The following DPYSL5 variants were observed in gnomAD, a reference collection of about 807,000 sequenced individuals.
The protein encoded by DPYSL5 is dihydropyrimidinase-related protein 5.
DPYSL5 carries 9 observed loss-of-function variants against 58.4 expected under a neutral mutation model. That is an observed-to-expected ratio of 0.15 (90% CI 0.09 to 0.27). The LOEUF (loss-of-function observed/expected upper bound fraction) is 0.27. Ranked by LOEUF, DPYSL5 falls within the 10% of genes least tolerant of loss-of-function variation. DPYSL5 has a pLI of 1.00. For missense variants in DPYSL5, 499 were observed against 770.6 expected (o/e 0.65, Z 4.17); for synonymous variants, 293 against 301.9 (o/e 0.97, Z 0.31).
At chr2:26,906,596 C>T (rs1019634342) in intron 2 of DPYSL5, among the ~76,000 whole-genome samples, 1 of 152,158 alleles carries the variant, frequency 6.6e-6, no homozygotes, top group African/African-American at 2.4e-5. Flanking sequence ...CAAGATCCCT[C>T]CCACACTCAG....
intron 2 of DPYSL5, among the ~76,000 whole-genome samples, chr2:26,911,587 A>T (rs1035112949): frequency 3.9e-5 from 6 of 152,244 alleles, no homozygotes; most frequent in Non-Finnish European, 7.3e-5. Context: ...TTACAATGAC[A>T]TCAAGGGGAA....
At chr2:26,928,457 G>A (rs1263341929) in intron 5 of DPYSL5, 134 bp downstream of exon 5, 7 of 975,690 alleles carry the variant, frequency 7.2e-6, no homozygotes, top group Non-Finnish European at 6.2e-6. Flanking sequence ...ACATTTGGGA[G>A]GCTGAGGTGG....
At chr2:26,938,916 C>G (rs1345364979) in intron 8 of DPYSL5, 1 of 152,314 alleles carries the variant, frequency 6.6e-6, no homozygotes, top group African/African-American at 2.4e-5. Flanking sequence ...GAGGCCCTGA[C>G]CTGGTTTGCG....
chr2:26,942,659 G>A lies in DPYSL5; in HGVS notation c.1349G>A (p.Gly450Asp). 1 of 1,614,144 alleles carries A rather than the reference G, an allele frequency of 6.2e-7. No individual in the cohort carries two copies. The highest frequency in any genetic ancestry group is 2.2e-5 in the East Asian group (1 of 44,876). The stretch of plus-strand genomic sequence containing the variant: ...CGGGGGCGCGTCGTGTATGAGAACG[G>A]CGTCTTCATGTGCGCCGAGGGCACC... ...ISRGRVVYEN[G>D]VFMCAEGTGK... The change falls in exon 11 of 13, where the codon GGC (glycine) becomes GAC (aspartate). Residue 450 changes from glycine to aspartate, a missense_variant. This residue lies in a region of DPYSL5 where 404 missense variants were observed against 647.6 expected (regional missense o/e 0.62). Coordinates refer to ENST00000288699, the MANE Select transcript of DPYSL5 (RefSeq NM_020134.4). This position sits in a 1 kb window ranked among gnomAD's most constrained non-coding sequence, Gnocchi z 5.9.
chr2:26,896,177 G>T (rs1174125427), intron 1 of DPYSL5, among the ~76,000 whole-genome samples: 1 of 152,048 alleles, frequency 6.6e-6, no homozygotes, highest in Non-Finnish European at 1.5e-5. Context: ...TACTTAACCT[G>T]ATGTTCTCCA....
At position 26,912,363 on chromosome 2, in the gene DPYSL5, A is replaced by T. The variant is rs543726287; in HGVS notation, c.262-12524A>T. On this transcript the variant is annotated intron_variant, in intron 2 of 12. Transcript: ENST00000288699. ...GGCACTGTCACACCTTAGCTTTGGGACTAAAATGAGGGTCTTGCCACGTTG... is the reference window on the plus strand; with the variant it reads ...GGCACTGTCACACCTTAGCTTTGGGTCTAAAATGAGGGTCTTGCCACGTTG... Among the ~76,000 whole-genome samples the T allele has an allele frequency of 2.6e-4, 40 of 152,292 alleles. No individual in the cohort carries two copies. In the East Asian group the frequency reaches 3.7e-3, roughly 14 times the overall value.
At chr2:26,928,649 C>T (rs1247492557) in intron 5 of DPYSL5, among the ~76,000 whole-genome samples, 1 of 144,710 alleles carries the variant, frequency 6.9e-6, no homozygotes, top group Non-Finnish European at 1.5e-5. Flanking sequence ...CTGCAGTGAG[C>T]CGTGATGATG....
rs1430551619 is a variant in DPYSL5 at position 26,946,999 on chromosome 2, C to T, written c.*4C>T. The T allele has an allele frequency of 6.2e-7, 1 of 1,608,536 alleles. No homozygotes were observed. The highest frequency in any genetic ancestry group is 8.5e-7 in the Non-Finnish European group (1 of 1,175,408). The stretch of plus-strand genomic sequence containing the variant: ...CAGGTCGAGTGGCATTTGGTAAAGG[C>T]ATTGCCAAGCCCCCCGAGTGAGGAC... On this transcript the variant is annotated 3_prime_UTR_variant, in exon 13 of 13. Coordinates refer to ENST00000288699, the MANE Select transcript of DPYSL5 (RefSeq NM_020134.4).
chr2:26,907,274 C>A (rs1664319791), intron 2 of DPYSL5, among the ~76,000 whole-genome samples: 1 of 151,954 alleles, frequency 6.6e-6, no homozygotes, highest in Admixed American at 6.6e-5. Flanking sequence ...GCCACCATGC[C>A]CAGCTAATTT....
chr2:26,909,745 A>C (rs1664386045), intron 2 of DPYSL5, among the ~76,000 whole-genome samples: 1 of 151,474 alleles, frequency 6.6e-6, no homozygotes, highest in African/African-American at 2.4e-5. Flanking sequence ...ACTGCACTCC[A>C]GTGACAGAAC....
chr2:26,945,975 A>AG (rs144973648), intron 12 of DPYSL5, among the ~76,000 whole-genome samples: 1,948 of 152,230 alleles, frequency 0.013, 46 homozygotes, highest in African/African-American at 0.044. Flanking sequence ...GCCCATGGGG[A>AG]GGGGTCCTCT....
intron 1 of DPYSL5, among the ~76,000 whole-genome samples, chr2:26,870,042 C>A (rs1042326494): frequency 6.6e-6 from 1 of 152,092 alleles, no homozygotes; most frequent in Non-Finnish European, 1.5e-5. Flanking sequence ...AATGTATCTT[C>A]TTTTTCCATG....
chr2:26,918,135 CAAAAAAAAAA>C (rs71401540), intron 2 of DPYSL5, among the ~76,000 whole-genome samples: 1 of 54,050 alleles, frequency 1.9e-5, no homozygotes, highest in African/African-American at 7.8e-5. Context: ...GAGTCTGTCT[CAAAAAAAAAA>C]AAAAAAAAAA....
In DPYSL5 at chr2:26,942,592, G is replaced by A; in HGVS notation, c.1282G>A (p.Glu428Lys). 1 of 1,614,130 alleles carries A rather than the reference G, an allele frequency of 6.2e-7. No homozygotes were observed. The highest frequency in any genetic ancestry group is 8.5e-7 in the Non-Finnish European group (1 of 1,180,036). The change falls in exon 11 of 13, where the codon GAG becomes AAG. Residue 428 changes from glutamate to lysine, a missense_variant. Coordinates refer to ENST00000288699, the MANE Select transcript of DPYSL5 (RefSeq NM_020134.4). The surrounding 1 kb of genome is among the most constrained non-coding windows in gnomAD (Gnocchi z 5.9). The stretch of plus-strand genomic sequence containing the variant: ...CCAGGGAGGAGACTTCAACCTGTAT[G>A]AGAACATGCGCTGCCACGGCGTGCC... ...QVQGGDFNLY[E>K]NMRCHGVPLV...
intron 1 of DPYSL5, among the ~76,000 whole-genome samples, chr2:26,883,297 T>C (rs933975606): frequency 4.6e-5 from 7 of 152,200 alleles, no homozygotes; most frequent in African/African-American, 1.7e-4. Context: ...TGTTTTGCCA[T>C]GGTTTTAGCA....
At chr2:26,939,812 G>A (rs1184577230) in intron 8 of DPYSL5, 2 of 552,816 alleles carry the variant, frequency 3.6e-6, no homozygotes, top group East Asian at 3.1e-5. Context: ...AGTCTCCTGT[G>A]ACACAGACAG....
chr2:26,893,971 T>C (rs1663952225), intron 1 of DPYSL5, among the ~76,000 whole-genome samples: 1 of 151,798 alleles, frequency 6.6e-6, no homozygotes, highest in Non-Finnish European at 1.5e-5. Context: ...TCTGTTCAGA[T>C]ATCTAAGGGT....
chr2:26,902,411 C>G lies in DPYSL5; in HGVS notation c.261+3651C>G, dbSNP rs148384286. ...TATCAGAATCAGGTTTTTAAAACTACAAGCATTCATAAGCAAATCAGGTAT... is the reference window on the plus strand; with the variant it reads ...TATCAGAATCAGGTTTTTAAAACTAGAAGCATTCATAAGCAAATCAGGTAT... On this transcript the variant is annotated intron_variant, in intron 2 of 12. Transcript: ENST00000288699. Among the ~76,000 whole-genome samples the G allele has an allele frequency of 3.7e-3, 564 of 152,158 alleles. 3 individuals carry two copies. The highest frequency in any genetic ancestry group is 0.013 in the African/African-American group (537 of 41,490).
chr2:26,861,872 TTA>T (rs1666026957), intron 1 of DPYSL5, among the ~76,000 whole-genome samples: 1 of 152,202 alleles, frequency 6.6e-6, no homozygotes, highest in South Asian at 2.1e-4. Context: ...CTTTCCCTTA[TTA>T]TGTTATATAA....
Sources: allele counts gnomAD v4.1 joint callset (sites outside exome capture counted in the v4.1 genomes callset), GRCh38; gene constraint gnomAD v4.1.1; regional missense constraint gnomAD v4.1.1; non-coding constraint Gnocchi (gnomAD v3.1); transcripts MANE v1.5; gene names NCBI Gene and HGNC (gene_info 2026-07-23, HGNC 2026-07-21).